The following ARID1B variants were observed in gnomAD, a reference collection of about 807,000 sequenced individuals.
The protein encoded by ARID1B is AT-rich interaction domain 1B.
Under a neutral mutation model 212.3 loss-of-function variants are expected in ARID1B, and 30 were observed. The observed-to-expected ratio is 0.14, with a 90% confidence interval of 0.11 to 0.19. The LOEUF is 0.19. Ranked by LOEUF, ARID1B falls within the 10% of genes least tolerant of loss-of-function variation. The pLI is 1.00. For missense variants in ARID1B, 2,891 were observed against 3,204.0 expected (o/e 0.90, Z 2.36); for synonymous variants, 1,402 against 1,301.7 (o/e 1.08, Z -1.66).
intron 4 of ARID1B, among the ~76,000 whole-genome samples, chr6:156,945,071 T>TGC (rs1562501444): frequency 3.3e-5 from 5 of 149,882 alleles, no homozygotes; most frequent in African/African-American, 9.8e-5. Context: ...TACAGGCACT[T>TGC]GCCACCAAGT....
intron 2 of ARID1B, among the ~76,000 whole-genome samples, chr6:156,833,046 G>C (rs115102795): frequency 0.011 from 1,679 of 152,194 alleles, 28 homozygotes; most frequent in African/African-American, 0.037. Context: ...TTGAGTTCAG[G>C]GGGGAAATGA....
At chr6:156,890,849 G>A (rs931117323) in intron 2 of ARID1B, among the ~76,000 whole-genome samples, 1 of 152,160 alleles carries the variant, frequency 6.6e-6, no homozygotes, top group Non-Finnish European at 1.5e-5. Flanking sequence ...ATTTTTCAAG[G>A]GTGAAAGGTG....
chr6:157,120,269 C>T (rs1391715511), intron 6 of ARID1B, among the ~76,000 whole-genome samples: 1 of 152,184 alleles, frequency 6.6e-6, no homozygotes, highest in African/African-American at 2.4e-5. Flanking sequence ...CCCGGACTCT[C>T]ATTTGCCCAG....
chr6:156,931,059 A>G (rs144177753), intron 3 of ARID1B, among the ~76,000 whole-genome samples: 1,880 of 152,068 alleles, frequency 0.012, 10 homozygotes, highest in Middle Eastern at 0.031. Context: ...GTGTGGTGGC[A>G]CATGCCTGTA....
intron 4 of ARID1B, among the ~76,000 whole-genome samples, chr6:156,949,809 T>A (rs531034171): frequency 6.6e-6 from 1 of 152,342 alleles, no homozygotes; most frequent in Non-Finnish European, 1.5e-5. Flanking sequence ...TTAATAAACC[T>A]TGTGTTTTTA....
At position 156,897,218 on chromosome 6, in the gene ARID1B, GCTTCTTCTT is replaced by G. The variant is rs796265973; in HGVS notation, c.1987-4118_1987-4110del. ...TGCTGCTGCTGCTGCTGCTGCTGCT[GCTTCTTCTT>G]CTTCTTCTTCTTCTTCTTCTTCTTC... is the stretch of plus-strand genomic sequence containing the variant. On this transcript the variant is annotated intron_variant, in intron 2 of 19. Coordinates refer to ENST00000636930, the MANE Select transcript of ARID1B (RefSeq NM_001374828.1). Among the ~76,000 whole-genome samples the G allele has an allele frequency of 6.3e-3, 573 of 91,338 alleles. 1 individual carries two copies. The highest frequency in any genetic ancestry group is 9.4e-3 in the Non-Finnish European group (426 of 45,314). The allele number at this position is 91,338 out of a possible 152,430, so 59.9% of individuals were successfully genotyped here. A position where few individuals can be genotyped will look rare whatever the true frequency, so the allele number is the denominator to read the frequency against.
intron 4 of ARID1B, among the ~76,000 whole-genome samples, chr6:157,021,788 C>G (rs1377327058): frequency 6.6e-6 from 1 of 152,050 alleles, no homozygotes; most frequent in African/African-American, 2.4e-5. Flanking sequence ...AGCGTGTTTT[C>G]TAAAGTTTCT....
intron 2 of ARID1B, among the ~76,000 whole-genome samples, chr6:156,880,430 A>C (rs1308774585): frequency 6.6e-6 from 1 of 152,198 alleles, no homozygotes; most frequent in Non-Finnish European, 1.5e-5. Context: ...TTATTGTGTA[A>C]GTTTTGCATA....
chr6:157,124,038 T>A (rs1236476199), intron 6 of ARID1B, among the ~76,000 whole-genome samples: 1 of 152,236 alleles, frequency 6.6e-6, no homozygotes, highest in Non-Finnish European at 1.5e-5. Context: ...TGGAAATAAT[T>A]GTGCTTTCTG....
intron 19 of ARID1B, 64 bp downstream of exon 19, chr6:157,204,060 T>G: frequency 6.3e-7 from 1 of 1,598,662 alleles, no homozygotes; most frequent in Non-Finnish European, 8.6e-7. Context: ...CATGCACATT[T>G]GTGCTTGAAC....
intron 3 of ARID1B, among the ~76,000 whole-genome samples, chr6:156,922,392 C>T (rs111989403): frequency 0.029 from 4,483 of 152,060 alleles, 206 homozygotes; most frequent in African/African-American, 0.094. Context: ...AGGCTGGTCT[C>T]GAACTCCTGA....
chr6:157,021,402 C>A (rs1780244562), intron 4 of ARID1B, among the ~76,000 whole-genome samples: 1 of 152,198 alleles, frequency 6.6e-6, no homozygotes, highest in African/African-American at 2.4e-5. Flanking sequence ...AGGCGCTGGG[C>A]GAGGATGAGG....
chr6:157,053,063 C>T (rs999469164), intron 4 of ARID1B, among the ~76,000 whole-genome samples: 9 of 151,280 alleles, frequency 5.9e-5, no homozygotes, highest in Non-Finnish European at 1.0e-4. Flanking sequence ...TGCAAAATAT[C>T]ATGAAGAATT....
intron 2 of ARID1B, among the ~76,000 whole-genome samples, chr6:156,830,165 T>C (rs549714800): frequency 3.4e-4 from 52 of 152,112 alleles, no homozygotes; most frequent in Admixed American, 1.4e-3. Flanking sequence ...AGGATGAAAT[T>C]TGGAAAAGAC....
intron 4 of ARID1B, among the ~76,000 whole-genome samples, chr6:156,972,673 A>T (rs922037226): frequency 6.6e-6 from 1 of 152,086 alleles, no homozygotes; most frequent in Admixed American, 6.5e-5. Context: ...TTAAACCCTC[A>T]TTCTCCCCTT....
intron 7 of ARID1B, 125 bp downstream of exon 7, chr6:157,133,332 T>G: frequency 8.8e-7 from 1 of 1,133,474 alleles, no homozygotes. Context: ...CCTGACAGGT[T>G]TGTGAGGTTC....
intron 4 of ARID1B, among the ~76,000 whole-genome samples, chr6:156,990,729 C>T (rs940712563): frequency 6.6e-5 from 10 of 152,166 alleles, no homozygotes; most frequent in African/African-American, 2.4e-4. Flanking sequence ...TGGCCTCAAG[C>T]CATCCTCCTT....
chr6:156,862,368 C>A (rs1785393175), intron 2 of ARID1B, among the ~76,000 whole-genome samples: 1 of 152,150 alleles, frequency 6.6e-6, no homozygotes, highest in Non-Finnish European at 1.5e-5. Flanking sequence ...ACAGTGGAAG[C>A]CACAGGAAGG....
chr6:156,938,652 T>C (rs1157307632), intron 4 of ARID1B: 1 of 152,340 alleles, frequency 6.6e-6, no homozygotes, highest in East Asian at 1.9e-4. Context: ...TGCTTACAGA[T>C]AGGTTTGTAA....
Sources: gnomAD v4.1 joint callset for allele counts (sites outside exome capture counted in the v4.1 genomes callset) on GRCh38, gnomAD v4.1.1 for gene constraint, MANE v1.5 for transcripts, NCBI Gene and HGNC (gene_info 2026-07-23, HGNC 2026-07-21) for gene names.